The following TXNL4A variants were observed in gnomAD, a reference collection of about 807,000 sequenced individuals.
The protein encoded by TXNL4A is thioredoxin like 4A, also known as thioredoxin-like protein 4A.
A neutral mutation model predicts 14.6 loss-of-function variants in TXNL4A; 17 were observed. The observed-to-expected ratio is 1.16, with a 90% CI of 0.80 to 1.74. The LOEUF (loss-of-function observed/expected upper bound fraction) is 1.74, where lower values mean the gene tolerates loss of function less well. Among genes scored for constraint, TXNL4A ranks in the 40% most tolerant of loss-of-function variants. TXNL4A has a pLI of 0.00. For synonymous variants in TXNL4A, 83 were observed against 70.6 expected, an observed-to-expected ratio of 1.18 and a Z score of -0.88; for missense variants, 74 against 195.2, an observed-to-expected ratio of 0.38 and a Z score of 3.70.
At chr18:80,032,067 A>G (rs973853003) in intron 1 of TXNL4A, among the ~76,000 whole-genome samples, 2 of 152,260 alleles carry the variant, frequency 1.3e-5, no homozygotes, top group Admixed American at 6.5e-5. Flanking sequence ...AGCCTGACCT[A>G]GCTTCCAGTT....
intron 1 of TXNL4A, among the ~76,000 whole-genome samples, chr18:80,033,683 T>A (rs2051942244): frequency 6.6e-6 from 1 of 152,210 alleles, no homozygotes. Context: ...ACAAAACGTG[T>A]TCCTAGCTAC....
chr18:79,978,936 CTTT>C (rs1026182483), intron 1 of TXNL4A, among the ~76,000 whole-genome samples: 5 of 147,500 alleles, frequency 3.4e-5, no homozygotes, highest in Non-Finnish European at 6.0e-5. Flanking sequence ...TTTGAGCATT[CTTT>C]TTTTTTTCTT....
chr18:79,986,702 G>A (rs898727315), intron 1 of TXNL4A: 4 of 985,298 alleles, frequency 4.1e-6, no homozygotes, highest in Admixed American at 1.2e-4. Context: ...TCCTAGCCTC[G>A]AGCTGCCGGC....
At chr18:79,988,659 G>C (rs1077510), upstream of TXNL4A, 8 of 298,882 alleles carry the variant, frequency 2.7e-5, no homozygotes, top group South Asian at 7.7e-4. Context: ...CCGCGCGAAC[G>C]TGTAGTTGGC....
rs1192495273 is a variant in TXNL4A at position 79,973,631 on chromosome 18, C to T, written c.*54G>A. The T allele has an allele frequency of 1.4e-5, 22 of 1,555,672 alleles. No homozygotes were observed. The highest frequency in any genetic ancestry group is 6.1e-5 in the South Asian group (5 of 81,736). ...TCCAAAGGCTTTAAATAGCTTAAAA[C>T]GTTTCCATACAAAAAGGGCTCCACG... On this transcript the variant is annotated 3_prime_UTR_variant, in exon 3 of 3. Coordinates refer to ENST00000269601, the MANE Select transcript of TXNL4A (RefSeq NM_006701.5).
At chr18:80,008,498 T>C (rs1251562752) in intron 1 of TXNL4A, among the ~76,000 whole-genome samples, 1 of 152,210 alleles carries the variant, frequency 6.6e-6, no homozygotes, top group African/African-American at 2.4e-5. Flanking sequence ...TCTTTTTGTC[T>C]GTCTCTAAAC....
chr18:79,998,064 C>T (rs1449689656), intron 1 of TXNL4A, among the ~76,000 whole-genome samples: 6 of 152,100 alleles, frequency 3.9e-5, no homozygotes, highest in South Asian at 2.1e-4. Context: ...GAGGCTGAGG[C>T]GGGTGGATCA....
In TXNL4A at chr18:79,973,743, C is replaced by T. The variant is rs867050349; in HGVS notation, c.371G>A (p.Arg124His). 1 of 1,614,186 alleles carries T rather than the reference C, an allele frequency of 6.2e-7. No homozygotes were observed. Among genetic ancestry groups the T allele is most frequent in the Non-Finnish European group, 8.5e-7 (1 of 1,180,030 alleles). ...DIIETVYRGA[R>H]KGRGLVVSPK... Reference sequence around the variant, plus strand: ...GGACACCACCAGGCCGCGGCCTTTGCGGGCCCCGCGGTACACCGTCTCGAT... The same window carrying T: ...GGACACCACCAGGCCGCGGCCTTTGTGGGCCCCGCGGTACACCGTCTCGAT... The change falls in exon 3 of 3, where the codon CGC becomes CAC. Residue 124 changes from arginine to histidine, a missense_variant. This residue lies in a region of TXNL4A where 19 missense variants were observed against 60.6 expected (regional missense o/e 0.31). Transcript: ENST00000269601.
At chr18:80,018,927 C>A (rs558730384) in intron 1 of TXNL4A, among the ~76,000 whole-genome samples, 2 of 152,348 alleles carry the variant, frequency 1.3e-5, no homozygotes, top group African/African-American at 4.8e-5. Context: ...CACCTTTGCT[C>A]CAGTTCCCAA....
At chr18:79,998,385 G>A (rs1203620653) in intron 1 of TXNL4A, among the ~76,000 whole-genome samples, 1 of 152,038 alleles carries the variant, frequency 6.6e-6, no homozygotes, top group African/African-American at 2.4e-5. Flanking sequence ...ACCTGATCCT[G>A]CCTTGTGGAG....
At chr18:80,013,104 A>T (rs1043720063) in intron 1 of TXNL4A, among the ~76,000 whole-genome samples, 10 of 139,630 alleles carry the variant, frequency 7.2e-5, no homozygotes, top group Admixed American at 1.6e-4. Flanking sequence ...AAAAAAAATT[A>T]AAAAAGGAAA....
At chr18:79,987,929 A>G (rs1188631581) in intron 1 of TXNL4A, among the ~76,000 whole-genome samples, 3 of 152,276 alleles carry the variant, frequency 2.0e-5, no homozygotes, top group Non-Finnish European at 4.4e-5. Context: ...CTGCAAGTGC[A>G]TTTTGTTCAC....
chr18:79,999,536 CAAAAAAAAAAA>C (rs1215965310), intron 1 of TXNL4A, among the ~76,000 whole-genome samples: 1 of 34,492 alleles, frequency 2.9e-5, no homozygotes, highest in Non-Finnish European at 6.8e-5. Flanking sequence ...GACTCCATCT[CAAAAAAAAAAA>C]AAAAAAAAAA....
At chr18:79,977,781 A>G (rs995151829) in intron 1 of TXNL4A, 80 bp from the exon 2 acceptor site, 1 of 1,000,290 alleles carries the variant, frequency 1.0e-6, no homozygotes, top group African/African-American at 1.7e-5. Context: ...TATAAAAACA[A>G]AACCAAGAAT....
At position 79,988,509 on chromosome 18, in the gene TXNL4A, C is replaced by G; in HGVS notation, c.-117G>C. The stretch of plus-strand genomic sequence containing the variant: ...CCGCCCCCGGGCCCACGGACGAAAT[C>G]CGGTCCCGCCCGCACACGCAAACTC... On this transcript the variant is annotated 5_prime_UTR_variant, in exon 1 of 3. Coordinates refer to ENST00000269601, the MANE Select transcript of TXNL4A (RefSeq NM_006701.5). 1.8e-6 allele frequency: 2 copies of G among 1,136,126 alleles called. No individual in the cohort carries two copies. Among genetic ancestry groups the G allele is most frequent in the East Asian group, 3.4e-5 (1 of 29,578 alleles). The allele number at this position is 1,136,126 out of a possible 1,614,324, so 70.4% of individuals were successfully genotyped here. A position where few individuals can be genotyped will look rare whatever the true frequency, so the allele number is the denominator to read the frequency against.
At chr18:79,974,670 G>T (rs1486731618) in intron 2 of TXNL4A, among the ~76,000 whole-genome samples, 1 of 152,034 alleles carries the variant, frequency 6.6e-6, no homozygotes, top group Non-Finnish European at 1.5e-5. Context: ...GTAAAGATGG[G>T]GTGTCCCCAT....
upstream of TXNL4A, among the ~76,000 whole-genome samples, chr18:79,992,468 G>T (rs1053681489): frequency 6.6e-6 from 1 of 152,106 alleles, no homozygotes; most frequent in African/African-American, 2.4e-5. Context: ...CAGGCCCAGG[G>T]CCTTCCCAGA....
chr18:79,972,784 T>G lies in TXNL4A; in HGVS notation c.*901A>C, dbSNP rs1157233609. ...GGCCAATAAGGAAATTTTCTAACTA[T>G]ATGAACTGAAGGGCCATGGCTTCTA... On this transcript the variant is annotated 3_prime_UTR_variant, in exon 3 of 3. Transcript: ENST00000269601. 2.0e-5 allele frequency: 3 copies of G among 152,226 alleles called. No homozygotes were observed. The highest frequency in any genetic ancestry group is 7.2e-5 in the African/African-American group (3 of 41,448). The allele number at this position is 152,226 out of a possible 1,614,324, so 9.4% of individuals were successfully genotyped here.
intron 1 of TXNL4A, chr18:79,986,766 G>A: frequency 1.0e-6 from 1 of 985,468 alleles, no homozygotes; most frequent in African/African-American, 1.7e-5. Context: ...ATGTAGAACA[G>A]TGAAAGATTC....
Sources: gnomAD v4.1 joint callset for allele counts (sites outside exome capture counted in the v4.1 genomes callset) on GRCh38, gnomAD v4.1.1 for gene constraint, gnomAD v4.1.1 regional missense constraint, MANE v1.5 for transcripts, NCBI Gene and HGNC (gene_info 2026-07-23, HGNC 2026-07-21) for gene names.